Variants in ARRB1 observed in about 807,000 individuals in gnomAD.
ARRB1 encodes the protein arrestin beta 1.
Under a neutral mutation model 56.8 loss-of-function variants are expected in ARRB1, and 21 were observed. The observed-to-expected ratio is 0.37, with a 90% CI of 0.26 to 0.53. The LOEUF is 0.53. ARRB1 is among the 20% of genes least tolerant of loss of function. The pLI, the probability that ARRB1 is intolerant of heterozygous loss-of-function variation, is 0.88. For missense variants in ARRB1, 424 were observed against 553.7 expected (o/e 0.77, Z 2.35); for synonymous variants, 210 against 218.6 (o/e 0.96, Z 0.35).
intron 1 of ARRB1, among the ~76,000 whole-genome samples, chr11:75,336,406 TCC>T (rs1380640968): frequency 6.6e-6 from 1 of 152,070 alleles, no homozygotes; most frequent in Non-Finnish European, 1.5e-5. Flanking sequence ...TGCTAGGCCT[TCC>T]AGACCCTTCT....
At chr11:75,295,782 T>C (rs1224838799) in intron 1 of ARRB1, among the ~76,000 whole-genome samples, 2 of 152,226 alleles carry the variant, frequency 1.3e-5, no homozygotes, top group African/African-American at 2.4e-5. Flanking sequence ...ATCCCAGGGC[T>C]GTCCCACTAC....
chr11:75,348,043 T>A (rs1370745206), intron 1 of ARRB1, among the ~76,000 whole-genome samples: 1 of 152,184 alleles, frequency 6.6e-6, no homozygotes, highest in Non-Finnish European at 1.5e-5. Flanking sequence ...AACATCTGCT[T>A]CCAGCCCTCT....
chr11:75,327,657 C>T (rs1947463500), intron 1 of ARRB1, among the ~76,000 whole-genome samples: 2 of 149,174 alleles, frequency 1.3e-5, no homozygotes, highest in Admixed American at 6.7e-5. Flanking sequence ...GGCGTGATCT[C>T]GGCTTACTGC....
intron 1 of ARRB1, among the ~76,000 whole-genome samples, chr11:75,344,853 A>G (rs1481725750): frequency 6.6e-6 from 1 of 152,194 alleles, no homozygotes; most frequent in Non-Finnish European, 1.5e-5. Flanking sequence ...GTGTGGCCGC[A>G]CAAGGACCAA....
chr11:75,290,453 G>A (rs1047861093), intron 1 of ARRB1, among the ~76,000 whole-genome samples: 1 of 151,980 alleles, frequency 6.6e-6, no homozygotes, highest in African/African-American at 2.4e-5. Context: ...AGCACACCAG[G>A]GCGATTCCCA....
chr11:75,331,612 A>G (rs1565143659), intron 1 of ARRB1, among the ~76,000 whole-genome samples: 1 of 149,920 alleles, frequency 6.7e-6, no homozygotes, highest in Non-Finnish European at 1.5e-5. Context: ...TGCCCGCCAG[A>G]GAACAACCCC....
chr11:75,317,319 C>T (rs770614841), intron 1 of ARRB1, among the ~76,000 whole-genome samples: 1 of 152,110 alleles, frequency 6.6e-6, no homozygotes, highest in African/African-American at 2.4e-5. Context: ...TGGCCCATCT[C>T]CTCCCTCCAG....
At chr11:75,308,208 C>T (rs992234884) in intron 1 of ARRB1, among the ~76,000 whole-genome samples, 1 of 152,108 alleles carries the variant, frequency 6.6e-6, no homozygotes, top group African/African-American at 2.4e-5. Context: ...AGTACTTTGC[C>T]GACACTTTAT....
At chr11:75,271,873 G>A in intron 12 of ARRB1, 149 bp from the exon 13 acceptor site, 2 of 828,872 alleles carry the variant, frequency 2.4e-6, no homozygotes, top group Non-Finnish European at 3.6e-6. Context: ...GCACAGCCCT[G>A]ACTGCTCTTT....
chr11:75,342,555 T>C (rs985469959), intron 1 of ARRB1, among the ~76,000 whole-genome samples: 2 of 152,086 alleles, frequency 1.3e-5, no homozygotes, highest in African/African-American at 4.8e-5. Flanking sequence ...TCGGAAACCA[T>C]GGTCCCCTCC....
At chr11:75,269,758 G>A (rs1237892586) in intron 13 of ARRB1, among the ~76,000 whole-genome samples, 5 of 150,484 alleles carry the variant, frequency 3.3e-5, no homozygotes, top group Non-Finnish European at 6.0e-5. Flanking sequence ...GAGGCATGAG[G>A]AGATTAAAAT....
chr11:75,348,088 T>C (rs1245590306), intron 1 of ARRB1, among the ~76,000 whole-genome samples: 1 of 152,186 alleles, frequency 6.6e-6, no homozygotes, highest in Non-Finnish European at 1.5e-5. Context: ...CACCATCCAC[T>C]TCAGGAGAAA....
intron 12 of ARRB1, among the ~76,000 whole-genome samples, chr11:75,272,484 T>C (rs1030795415): frequency 6.6e-6 from 1 of 152,202 alleles, no homozygotes; most frequent in Non-Finnish European, 1.5e-5. Context: ...CTGAGCCCTT[T>C]TAGCTGTTTC....
At chr11:75,319,161 C>T (rs1264966180) in intron 1 of ARRB1, among the ~76,000 whole-genome samples, 1 of 152,162 alleles carries the variant, frequency 6.6e-6, no homozygotes, top group Non-Finnish European at 1.5e-5. Flanking sequence ...ACAGCTGGCT[C>T]CAACAGGTTC....
intron 6 of ARRB1, chr11:75,281,492 G>C: frequency 5.5e-6 from 2 of 361,976 alleles, no homozygotes; most frequent in Admixed American, 8.6e-5. Flanking sequence ...ACCCGGCCCT[G>C]GGTGGCTTAT....
At position 75,265,428 on chromosome 11, in the gene ARRB1, A is replaced by G. The variant is rs1266080115; in HGVS notation, c.*735T>C. On this transcript the variant is annotated 3_prime_UTR_variant, in exon 16 of 16. Coordinates refer to ENST00000420843, the MANE Select transcript of ARRB1 (RefSeq NM_004041.5). ...CTCTAGACAGGGCCATGCACTTGAA[A>G]TACAAGGTAGCTAAGATGTCACAGC... 1.3e-5 allele frequency: 2 copies of G among 152,292 alleles called. No homozygotes were observed. Among genetic ancestry groups the G allele is most frequent in the African/African-American group, 2.4e-5 (1 of 41,442 alleles). The allele number at this position is 152,292 out of a possible 1,614,324, so 9.4% of individuals were successfully genotyped here. A position where few individuals can be genotyped will look rare whatever the true frequency, so the allele number is the denominator to read the frequency against.
chr11:75,330,918 A>G (rs1947510218), intron 1 of ARRB1, among the ~76,000 whole-genome samples: 1 of 152,260 alleles, frequency 6.6e-6, no homozygotes, highest in Non-Finnish European at 1.5e-5. Context: ...TCATTCAACA[A>G]AAATATCCCG....
intron 1 of ARRB1, among the ~76,000 whole-genome samples, chr11:75,348,710 A>G (rs1219679902): frequency 6.6e-6 from 1 of 151,518 alleles, no homozygotes; most frequent in Admixed American, 6.6e-5. Context: ...TGATCCTCCC[A>G]CTTCAGCCTC....
chr11:75,273,092 C>G, intron 11 of ARRB1, 114 bp from the exon 12 acceptor site: 1 of 843,466 alleles, frequency 1.2e-6, no homozygotes, highest in Non-Finnish European at 1.9e-6. Context: ...GCTAGCCACT[C>G]AGCTACCATG....
Sources: allele counts gnomAD v4.1 joint callset (sites outside exome capture counted in the v4.1 genomes callset), GRCh38; gene constraint gnomAD v4.1.1; transcripts MANE v1.5; gene names NCBI Gene and HGNC (gene_info 2026-07-23, HGNC 2026-07-21).